Variants in RGL1 observed in about 807,000 individuals in gnomAD.
RGL1 encodes the protein ral guanine nucleotide dissociation stimulator like 1.
In RGL1, 24 loss-of-function variants were observed where a neutral mutation model predicts 95.2. The observed-to-expected ratio is 0.25, with a 90% confidence interval of 0.18 to 0.35. RGL1 has a LOEUF of 0.35. Ranked by LOEUF, RGL1 falls within the 10% of genes least tolerant of loss-of-function variation. RGL1 has a pLI of 1.00. For missense variants in RGL1, 715 were observed against 936.3 expected (o/e 0.76, Z 3.08); for synonymous variants, 329 against 344.9 (o/e 0.95, Z 0.51).
chr1:183,734,984 G>A (rs1206663249), intron 1 of RGL1, among the ~76,000 whole-genome samples: 2 of 152,302 alleles, frequency 1.3e-5, no homozygotes, highest in Non-Finnish European at 2.9e-5. Flanking sequence ...GTGCCGAGCA[G>A]GGATTGTTGA....
upstream of RGL1, among the ~76,000 whole-genome samples, chr1:183,803,427 C>G (rs1004999635): frequency 3.3e-5 from 5 of 152,212 alleles, no homozygotes; most frequent in African/African-American, 9.6e-5. Flanking sequence ...TTCAGGTTCA[C>G]TCACTGCAAG....
intron 1 of RGL1, among the ~76,000 whole-genome samples, chr1:183,655,341 A>G (rs892157731): frequency 2.0e-5 from 3 of 152,256 alleles, no homozygotes; most frequent in Non-Finnish European, 4.4e-5. Context: ...TAAAATATTT[A>G]TAAGTTATTG....
chr1:183,828,541 G>A (rs1377778724), intron 2 of RGL1, among the ~76,000 whole-genome samples: 2 of 152,122 alleles, frequency 1.3e-5, no homozygotes, highest in Non-Finnish European at 2.9e-5. Flanking sequence ...GAGTCTGAGG[G>A]ATCTGGGTTC....
At position 183,668,666 on chromosome 1, in the gene RGL1, GT is replaced by G. The variant is rs202214304; in HGVS notation, c.-33+32173del. Among the ~76,000 whole-genome samples, 6 of 151,706 alleles carry G rather than the reference GT, an allele frequency of 4.0e-5. No individual in the cohort carries two copies. The East Asian group carries it at 7.7e-4, about 20-fold the overall frequency. On this transcript the variant is annotated intron_variant, in intron 1 of 18. Transcript: ENST00000304685. ...ATTTGAATATCTATGCCTAAGCATA[GT>G]TTTTTTTGTTTTCTTTTTGTTTTGC...
At chr1:183,884,023 C>A in intron 6 of RGL1, 113 bp downstream of exon 6, 1 of 1,129,802 alleles carries the variant, frequency 8.9e-7, no homozygotes, top group Non-Finnish European at 1.3e-6. Context: ...TTCTTGAATC[C>A]TTGAGACAGG....
intron 2 of RGL1, among the ~76,000 whole-genome samples, chr1:183,831,346 T>A (rs1038369052): frequency 1.3e-5 from 2 of 152,022 alleles, no homozygotes; most frequent in African/African-American, 4.8e-5. Context: ...GGAAGGCCAG[T>A]GTGGTTGGGG....
At chr1:183,905,625 G>A (rs1457771020) in intron 13 of RGL1, among the ~76,000 whole-genome samples, 2 of 152,154 alleles carry the variant, frequency 1.3e-5, no homozygotes, top group Non-Finnish European at 2.9e-5. Flanking sequence ...TGATAACTCA[G>A]GTGTGGCAGG....
rs988670221 is a variant in RGL1, at chr1:183,657,337, C to T, written c.-33+20836C>T. Reference sequence around the variant, plus strand: ...TAAGTTTTAGGGTACATGTGCACAACGTGCAGGTTTGTTACATATGTATAC... The same window carrying T: ...TAAGTTTTAGGGTACATGTGCACAATGTGCAGGTTTGTTACATATGTATAC... On this transcript the variant is annotated intron_variant, in intron 1 of 18. Transcript: ENST00000304685. 7.9e-5 allele frequency among the ~76,000 whole-genome samples: 12 copies of T among 151,462 alleles called. No homozygotes were observed. The East Asian group carries it at 1.4e-3, about 17-fold the overall frequency.
In RGL1 at chr1:183,724,305, A is replaced by G. The variant is rs1449026918; in HGVS notation, c.-32-17821A>G. Among the ~76,000 whole-genome samples the G allele has an allele frequency of 1.3e-5, 2 of 152,262 alleles. No individual in the cohort carries two copies. The highest frequency in any genetic ancestry group is 3.4e-3 in the Middle Eastern group (1 of 294). ...CAGAGGGAAGAGTAAAGGAGACTTC[A>G]TCTTGCAGCTTAGGTACCAGCTCAG... On this transcript the variant is annotated intron_variant, in intron 1 of 18. Coordinates refer to the RGL1 transcript ENST00000304685. This position sits in a 1 kb window ranked among gnomAD's most constrained non-coding sequence, Gnocchi z 4.1.
chr1:183,791,369 T>C (rs928468549), intron 2 of RGL1, among the ~76,000 whole-genome samples: 2 of 152,242 alleles, frequency 1.3e-5, no homozygotes, highest in Non-Finnish European at 2.9e-5. Flanking sequence ...TGAGTAGTTA[T>C]ATTTGTAGAA....
chr1:183,742,099 T>A, intron 1 of RGL1: 1 of 1,592,522 alleles, frequency 6.3e-7, no homozygotes, highest in Non-Finnish European at 8.6e-7. Context: ...TGTTTTAACC[T>A]GGATCACACT....
At chr1:183,849,697 G>A (rs1303448027) in intron 3 of RGL1, among the ~76,000 whole-genome samples, 1 of 151,870 alleles carries the variant, frequency 6.6e-6, no homozygotes, top group Non-Finnish European at 1.5e-5. Flanking sequence ...TACCATGTTG[G>A]CCAGGATGAT....
At chr1:183,791,960 G>A (rs540940815) in intron 2 of RGL1, among the ~76,000 whole-genome samples, 26 of 152,224 alleles carry the variant, frequency 1.7e-4, no homozygotes, top group African/African-American at 6.0e-4. Flanking sequence ...AATTTCCCAT[G>A]TATATGTATG....
At chr1:183,647,846 T>C in intron 1 of RGL1, 3 of 1,614,142 alleles carry the variant, frequency 1.9e-6, no homozygotes, top group Middle Eastern at 1.6e-4. Flanking sequence ...TATTCCTGGG[T>C]TTATTTGGGT....
chr1:183,884,018 G>A lies in RGL1; in HGVS notation c.735+108G>A. The A allele has an allele frequency of 2.6e-6, 3 of 1,168,304 alleles. No homozygotes were observed. The South Asian group carries it at 4.2e-5, about 16-fold the overall frequency. The allele number at this position is 1,168,304 out of a possible 1,614,324, so 72.4% of individuals were successfully genotyped here. A position where few individuals can be genotyped will look rare whatever the true frequency, so the allele number is the denominator to read the frequency against. On this transcript the variant is annotated intron_variant, in intron 6 of 17. Coordinates refer to ENST00000360851, the MANE Select transcript of RGL1 (RefSeq NM_001297671.3). Reference sequence around the variant, plus strand: ...GGATAATGTGATTTTAAGTCTTCTTGAATCCTTGAGACAGGCTGCGCCTGC... The same window carrying A: ...GGATAATGTGATTTTAAGTCTTCTTAAATCCTTGAGACAGGCTGCGCCTGC...
At position 183,860,714 on chromosome 1, in the gene RGL1, A is replaced by G. The variant is rs561107185; in HGVS notation, c.348-5282A>G. ...GACCTGCTTTATTTCTCTCCATTGC[A>G]CTTTTCACTCTCTGACTTAGTATAT... On this transcript the variant is annotated intron_variant, in intron 3 of 17. Transcript: ENST00000360851. 3.3e-5 allele frequency among the ~76,000 whole-genome samples: 5 copies of G among 152,206 alleles called. No homozygotes were observed. The South Asian group carries it at 1.0e-3, about 32-fold the overall frequency.
chr1:183,865,481 A>G (rs749082443), intron 3 of RGL1, among the ~76,000 whole-genome samples: 9 of 152,184 alleles, frequency 5.9e-5, no homozygotes, highest in Non-Finnish European at 1.3e-4. Context: ...AGCTATTTCC[A>G]TAATCCCTCT....
At chr1:183,653,336 G>A (rs754637473) in intron 1 of RGL1, 1 of 152,192 alleles carries the variant, frequency 6.6e-6, no homozygotes, top group Non-Finnish European at 1.5e-5. Flanking sequence ...CCATGGTAAC[G>A]TTTGCAAAGT....
chr1:183,910,285 A>C (rs1006105598), intron 14 of RGL1, among the ~76,000 whole-genome samples: 2 of 152,100 alleles, frequency 1.3e-5, no homozygotes, highest in African/African-American at 4.8e-5. Context: ...TTTGGTAGAG[A>C]TGGGGCTTCA....
Sources: allele counts gnomAD v4.1 joint callset (sites outside exome capture counted in the v4.1 genomes callset), GRCh38; gene constraint gnomAD v4.1.1; non-coding constraint Gnocchi (gnomAD v3.1); transcripts MANE v1.5; gene names NCBI Gene and HGNC (gene_info 2026-07-23, HGNC 2026-07-21).